Variants in CD58 observed in about 807,000 individuals in gnomAD.
CD58 encodes lymphocyte function-associated antigen 3.
In CD58, 14 loss-of-function variants were observed where a neutral mutation model predicts 27.6. That is an observed-to-expected ratio of 0.51 (90% confidence interval 0.34 to 0.79). CD58 has a LOEUF of 0.79. CD58 is among the 30% of genes least tolerant of loss of function. The pLI is 0.02. For missense variants in CD58, 268 were observed against 301.7 expected, an observed-to-expected ratio of 0.89 and a Z score of 0.83; for synonymous variants, 117 against 103.8, an observed-to-expected ratio of 1.13 and a Z score of -0.77.
rs1241586843 is a variant in CD58, at chr1:116,552,135, G to A, written c.71-7531C>T. On this transcript the variant is annotated intron_variant, in intron 1 of 5. Coordinates refer to ENST00000369489, the MANE Select transcript of CD58 (RefSeq NM_001779.3). The surrounding 1 kb of genome is among the most constrained non-coding windows in gnomAD (Gnocchi z 4.5). ...GACAGTGCAACTCTTCTTTTCACTTGAGCACTTAGAAGCCATTGCAGGGTT... is the reference window on the plus strand; with the variant it reads ...GACAGTGCAACTCTTCTTTTCACTTAAGCACTTAGAAGCCATTGCAGGGTT... Among the ~76,000 whole-genome samples, 1 of 152,152 alleles carries A rather than the reference G, an allele frequency of 6.6e-6. No individual in the cohort carries two copies. The highest frequency in any genetic ancestry group is 1.5e-5 in the Non-Finnish European group (1 of 68,028).
chr1:116,526,177 T>C (rs779903312), intron 3 of CD58, among the ~76,000 whole-genome samples: 1 of 152,206 alleles, frequency 6.6e-6, no homozygotes, highest in Non-Finnish European at 1.5e-5. Context: ...TTGTCTTTCA[T>C]AGAGCAATGT....
At chr1:116,564,904 C>T (rs915908593) in intron 1 of CD58, among the ~76,000 whole-genome samples, 1 of 152,194 alleles carries the variant, frequency 6.6e-6, no homozygotes, top group Non-Finnish European at 1.5e-5. Flanking sequence ...GCATGCACCA[C>T]CACTCTCAGC....
chr1:116,567,989 A>G (rs1313145923), intron 1 of CD58, among the ~76,000 whole-genome samples: 1 of 150,488 alleles, frequency 6.6e-6, no homozygotes, highest in African/African-American at 2.5e-5. Context: ...GGCAATCCAC[A>G]TCCAAAGGGA....
In CD58 at chr1:116,524,242, C is replaced by A. The variant is rs1249198082; in HGVS notation, c.629-2259G>T. ...GGTACCATAATCTGGGTGAAGGTGG[C>A]CAATCATCCTGGTTTTCCTGAAACT... On this transcript the variant is annotated intron_variant, in intron 3 of 5. Coordinates refer to ENST00000369489, the MANE Select transcript of CD58 (RefSeq NM_001779.3). The surrounding 1 kb of genome is among the most constrained non-coding windows in gnomAD (Gnocchi z 4.6). 6.6e-6 allele frequency among the ~76,000 whole-genome samples: 1 copy of A among 152,070 alleles called. No homozygotes were observed. Among genetic ancestry groups the A allele is most frequent in the Non-Finnish European group, 1.5e-5 (1 of 68,026 alleles).
chr1:116,540,936 A>G (rs1429719879), intron 2 of CD58, among the ~76,000 whole-genome samples: 1 of 152,102 alleles, frequency 6.6e-6, no homozygotes, highest in African/African-American at 2.4e-5. Flanking sequence ...CAGCCTCTTG[A>G]GTAGCTGGGA....
At chr1:116,533,530 T>C (rs1217681786) in intron 3 of CD58, 1 of 725,178 alleles carries the variant, frequency 1.4e-6, no homozygotes, top group Non-Finnish European at 2.6e-6. Flanking sequence ...ATCCTGCAGG[T>C]ATTTCAAGAT....
At position 116,521,851 on chromosome 1, in the gene CD58, C is replaced by A; in HGVS notation, c.706+55G>T. The A allele has an allele frequency of 9.8e-7, 1 of 1,020,636 alleles. No homozygotes were observed. Among genetic ancestry groups the A allele is most frequent in the Non-Finnish European group, 1.5e-6 (1 of 662,780 alleles). 63.2% of individuals were successfully genotyped at this position (1,020,636 alleles called of 1,614,324 possible). ...TTTTCATCCTTAAACTATTTTCTGA[C>A]CTTTGGAAAACAATGCAAGTTTTCA... On this transcript the variant is annotated intron_variant, in intron 4 of 5. Coordinates refer to ENST00000369489, the MANE Select transcript of CD58 (RefSeq NM_001779.3). The surrounding 1 kb of genome is among the most constrained non-coding windows in gnomAD (Gnocchi z 5.6).
In CD58 at chr1:116,519,306, A is replaced by G; in HGVS notation, c.707-39T>C. ...AATTGTCTTCTCAATTAAAGAACTG[A>G]AAAGAAAAGGTGAAATGTGGAGTTA... On this transcript the variant is annotated intron_variant, in intron 4 of 5. Coordinates refer to ENST00000369489, the MANE Select transcript of CD58 (RefSeq NM_001779.3). The surrounding 1 kb of genome is among the most constrained non-coding windows in gnomAD (Gnocchi z 4.7). 6.3e-7 allele frequency: 1 copy of G among 1,588,384 alleles called. No individual in the cohort carries two copies. Among genetic ancestry groups the G allele is most frequent in the African/African-American group, 1.3e-5 (1 of 74,646 alleles).
intron 2 of CD58, among the ~76,000 whole-genome samples, chr1:116,544,096 G>A (rs1018568245): frequency 6.6e-6 from 1 of 152,062 alleles, no homozygotes; most frequent in African/African-American, 2.4e-5. Context: ...AACTGATACT[G>A]TTCTCCCCAC....
chr1:116,552,337 A>G lies in CD58; in HGVS notation c.71-7733T>C, dbSNP rs1043426294. On this transcript the variant is annotated intron_variant, in intron 1 of 5. Coordinates refer to ENST00000369489, the MANE Select transcript of CD58 (RefSeq NM_001779.3). The surrounding 1 kb of genome is among the most constrained non-coding windows in gnomAD (Gnocchi z 4.5). ...GCATCCCAAAACAATGACAACAGTA[A>G]CATCAAAGATCACTGATCACAGATC... Among the ~76,000 whole-genome samples, 1 of 152,214 alleles carries G rather than the reference A, an allele frequency of 6.6e-6. No homozygotes were observed. The highest frequency in any genetic ancestry group is 1.5e-5 in the Non-Finnish European group (1 of 68,034).
chr1:116,518,794 A>C, intron 5 of CD58: 2 of 1,011,732 alleles, frequency 2.0e-6, no homozygotes, highest in Non-Finnish European at 2.4e-6. Context: ...TGGCTCCTGA[A>C]GTGAACCCTA....
At position 116,522,176 on chromosome 1, in the gene CD58, C is replaced by T. The variant is rs1448605488; in HGVS notation, c.629-193G>A. On this transcript the variant is annotated intron_variant, in intron 3 of 5. Coordinates refer to ENST00000369489, the MANE Select transcript of CD58 (RefSeq NM_001779.3). This position sits in a 1 kb window ranked among gnomAD's most constrained non-coding sequence, Gnocchi z 4.6. The stretch of plus-strand genomic sequence containing the variant: ...TTTGAGTCACCCAATAAGCAGATTC[C>T]CAGCAGAGGTGGAAAAAGGTAAAGC... Among the ~76,000 whole-genome samples, 2 of 152,184 alleles carry T rather than the reference C, an allele frequency of 1.3e-5. No individual in the cohort carries two copies. The highest frequency in any genetic ancestry group is 2.4e-5 in the African/African-American group (1 of 41,438).
chr1:116,556,650 T>C (rs1257863171), intron 1 of CD58, among the ~76,000 whole-genome samples: 1 of 152,000 alleles, frequency 6.6e-6, no homozygotes, highest in African/African-American at 2.4e-5. Flanking sequence ...AGAGCAAGAC[T>C]CCAGTCAAGG....
chr1:116,525,607 C>A (rs1657403870), intron 3 of CD58, among the ~76,000 whole-genome samples: 1 of 152,148 alleles, frequency 6.6e-6, no homozygotes, highest in Admixed American at 6.6e-5. Context: ...TAAGAAACTG[C>A]CAAACTGTCT....
In CD58 at chr1:116,536,096, C is replaced by T; in HGVS notation, c.497G>A (p.Cys166Tyr). ...ATATATACTGGTTGAGTTACGTTTACATTGCTCCATAGGACAATCCCATGA... is the reference window on the plus strand; with the variant it reads ...ATATATACTGGTTGAGTTACGTTTATATTGCTCCATAGGACAATCCCATGA... ...MYSWDCPMEQCKRNSTSIYFK... is the reference protein window; with the variant it reads ...MYSWDCPMEQYKRNSTSIYFK... Residue 166 changes from cysteine to tyrosine, a missense_variant, in exon 3 of 6, where the codon TGT (cysteine) becomes TAT (tyrosine). Coordinates refer to ENST00000369489, the MANE Select transcript of CD58 (RefSeq NM_001779.3). This position sits in a 1 kb window ranked among gnomAD's most constrained non-coding sequence, Gnocchi z 5.4. 1.2e-6 allele frequency: 2 copies of T among 1,613,940 alleles called. No individual in the cohort carries two copies. The highest frequency in any genetic ancestry group is 1.7e-6 in the Non-Finnish European group (2 of 1,179,910).
intron 1 of CD58, among the ~76,000 whole-genome samples, chr1:116,558,784 C>A (rs1240994109): frequency 2.0e-5 from 3 of 152,200 alleles, no homozygotes; most frequent in Admixed American, 6.5e-5. Context: ...AGCAGCAGCA[C>A]GAAGATTCAC....
intron 2 of CD58, among the ~76,000 whole-genome samples, chr1:116,537,022 G>T (rs1355670356): frequency 6.6e-6 from 1 of 152,202 alleles, no homozygotes; most frequent in Non-Finnish European, 1.5e-5. Flanking sequence ...TTGGGAGGCT[G>T]AGGCAGGAGG....
At chr1:116,558,548 G>A (rs768742628) in intron 1 of CD58, among the ~76,000 whole-genome samples, 1 of 152,184 alleles carries the variant, frequency 6.6e-6, no homozygotes, top group Non-Finnish European at 1.5e-5. Flanking sequence ...GCTAGTAATT[G>A]TATCAAATAA....
intron 1 of CD58, among the ~76,000 whole-genome samples, chr1:116,562,031 C>T (rs959544785): frequency 3.9e-5 from 6 of 152,092 alleles, no homozygotes; most frequent in African/African-American, 1.4e-4. Flanking sequence ...TAAAAAAACA[C>T]AGACTGTCTA....
Sources: gnomAD v4.1 joint callset for allele counts (sites outside exome capture counted in the v4.1 genomes callset) on GRCh38, gnomAD v4.1.1 for gene constraint, Gnocchi (gnomAD v3.1) non-coding constraint, MANE v1.5 for transcripts, NCBI Gene and HGNC (gene_info 2026-07-23, HGNC 2026-07-21) for gene names.